EPS15L1: variants seen among roughly 807,000 people sequenced by gnomAD.
EPS15L1 encodes the protein epidermal growth factor receptor substrate 15-like 1.
EPS15L1 carries 43 observed loss-of-function variants against 117.1 expected under a neutral mutation model. The ratio of observed to expected loss-of-function variants is 0.37; its 90% CI spans 0.29 to 0.47. EPS15L1 has a LOEUF of 0.47. EPS15L1 is among the 20% of genes least tolerant of loss of function. EPS15L1 has a pLI of 0.99. For synonymous variants in EPS15L1, 459 were observed against 470.5 expected (o/e 0.98, Z 0.32); for missense variants, 981 against 1,164.0 (o/e 0.84, Z 2.29).
chr19:16,355,929 TGG>T, intron 23 of EPS15L1, 78 bp from the exon 24 acceptor site: 1 of 1,494,376 alleles, frequency 6.7e-7, no homozygotes, highest in Non-Finnish European at 9.0e-7. Flanking sequence ...AGGGAATGCG[TGG>T]GAGGGGTCAG....
intron 1 of EPS15L1, among the ~76,000 whole-genome samples, chr19:16,446,471 C>A (rs540684462): frequency 6.6e-6 from 1 of 152,314 alleles, no homozygotes; most frequent in Admixed American, 6.5e-5. Context: ...GTAAAATGTT[C>A]AGAGAAGTAC....
chr19:16,377,101 G>T (rs367827551), intron 22 of EPS15L1, 21 bp downstream of exon 22: 12 of 1,578,952 alleles, frequency 7.6e-6, no homozygotes, highest in Non-Finnish European at 1.0e-5. Flanking sequence ...CGGTGGCTGC[G>T]AGAGAAGAAA....
chr19:16,454,183 G>A (rs2093173464), intron 1 of EPS15L1, among the ~76,000 whole-genome samples: 1 of 152,246 alleles, frequency 6.6e-6, no homozygotes, highest in South Asian at 2.1e-4. Flanking sequence ...AAACAGCAGA[G>A]GACTGGTTAA....
rs141695393 is a variant in EPS15L1 at position 16,403,850 on chromosome 19, C to T, written c.1509G>A (p.Ser503=). 15 of 1,614,008 alleles carry T rather than the reference C, an allele frequency of 9.3e-6. No homozygotes were observed. In the East Asian group the frequency reaches 1.1e-4, roughly 12 times the overall value. ...SQEDDLNRAK[S]ELNRLQQEET... ...CCTCCTGCTGCAATCGGTTCAGCTC[C>T]GACTTGGCTCGGTTCAGATCGTCTT... The change falls in exon 15 of 24, where the codon TCG becomes TCA. Residue 503 remains serine (S), a synonymous_variant. Transcript: ENST00000455140.
At chr19:16,467,295 T>TC (rs1440582921) in intron 1 of EPS15L1, among the ~76,000 whole-genome samples, 3 of 151,760 alleles carry the variant, frequency 2.0e-5, no homozygotes, top group South Asian at 2.1e-4. Context: ...ATTACAGGCG[T>TC]CCGCCAGGAC....
intron 19 of EPS15L1, 83 bp from the exon 20 acceptor site, chr19:16,386,314 G>C (rs865906037): frequency 1.9e-6 from 2 of 1,057,724 alleles, no homozygotes; most frequent in Non-Finnish European, 2.9e-6. Context: ...TCCTGACGTC[G>C]ATGTACAACA....
intron 16 of EPS15L1, among the ~76,000 whole-genome samples, chr19:16,397,696 T>TA (rs890428656): frequency 2.6e-5 from 4 of 151,886 alleles, no homozygotes; most frequent in Non-Finnish European, 5.9e-5. Flanking sequence ...ATTTTTTTTT[T>TA]AAAGTGTGTA....
chr19:16,362,114 G>A (rs2092063380), intron 22 of EPS15L1, 130 bp from the exon 23 acceptor site: 6 of 930,852 alleles, frequency 6.4e-6, no homozygotes, highest in African/African-American at 1.7e-5. Flanking sequence ...TGGCTAACAG[G>A]CTGGACGGGG....
chr19:16,447,863 G>A (rs1278048356), intron 1 of EPS15L1, among the ~76,000 whole-genome samples: 1 of 152,130 alleles, frequency 6.6e-6, no homozygotes, highest in East Asian at 1.9e-4. Context: ...TATAGCTAGA[G>A]TAGTTAAGAC....
At chr19:16,413,043 C>T (rs1040605119) in intron 13 of EPS15L1, 4 of 733,692 alleles carry the variant, frequency 5.5e-6, no homozygotes, top group African/African-American at 1.7e-5. Flanking sequence ...GAAACAGACC[C>T]GCGCCGGCCA....
At chr19:16,439,652 C>T (rs1174663460) in intron 4 of EPS15L1, among the ~76,000 whole-genome samples, 2 of 152,132 alleles carry the variant, frequency 1.3e-5, no homozygotes, top group Non-Finnish European at 2.9e-5. Flanking sequence ...GATCGCACCA[C>T]TGCACTCCAG....
chr19:16,372,227 C>T lies in EPS15L1; in HGVS notation c.2380+4895G>A, dbSNP rs141367682. ...GTACGCTGTGACCGGAACTCTCCCT[C>T]GAGGAACCTCTGCAGGTTCCCAGGT... On this transcript the variant is annotated intron_variant, in intron 22 of 23. Transcript: ENST00000455140. 2.8e-4 allele frequency among the ~76,000 whole-genome samples: 42 copies of T among 152,306 alleles called. No individual in the cohort carries two copies. The East Asian group carries it at 8.1e-3, about 29-fold the overall frequency.
intron 1 of EPS15L1, among the ~76,000 whole-genome samples, chr19:16,450,861 C>G (rs933982846): frequency 1.3e-5 from 2 of 152,126 alleles, no homozygotes; most frequent in African/African-American, 4.8e-5. Context: ...CCTTCAGAAC[C>G]TGAACATAGC....
chr19:16,358,556 A>G (rs1024132580), intron 23 of EPS15L1, among the ~76,000 whole-genome samples: 3 of 151,822 alleles, frequency 2.0e-5, no homozygotes, highest in Non-Finnish European at 2.9e-5. Context: ...GCATGACACC[A>G]CCCTAGCCGA....
intron 10 of EPS15L1, among the ~76,000 whole-genome samples, chr19:16,418,646 C>A (rs2092783856): frequency 6.6e-6 from 1 of 152,212 alleles, no homozygotes; most frequent in African/African-American, 2.4e-5. Context: ...TATGTCCCCC[C>A]AGATTCCTAT....
Position 16,471,618 on chromosome 19 carries a change from G to A in EPS15L1, c.33+295C>T, listed in dbSNP as rs563388041. On this transcript the variant is annotated intron_variant, in intron 1 of 23. Coordinates refer to ENST00000455140, the MANE Select transcript of EPS15L1 (RefSeq NM_001258374.3). The surrounding 1 kb of genome is among the most constrained non-coding windows in gnomAD (Gnocchi z 4.8). ...CTCCGGGATGCAGCCCAGCGCCTCCGCGGGTCCCCGGCCTGGGAGCTTCAG... is the reference window on the plus strand; with the variant it reads ...CTCCGGGATGCAGCCCAGCGCCTCCACGGGTCCCCGGCCTGGGAGCTTCAG... 3.3e-4 allele frequency among the ~76,000 whole-genome samples: 50 copies of A among 152,244 alleles called. No homozygotes were observed. Among genetic ancestry groups the A allele is most frequent in the African/African-American group, 1.2e-3 (49 of 41,556 alleles).
chr19:16,413,361 T>C lies in EPS15L1; in HGVS notation c.1266+412A>G, dbSNP rs973262030. ...CATGATGGCTAGTATCAATGACTGC[T>C]ACACCTCAGCCAGGGGCTGCACTGC... On this transcript the variant is annotated intron_variant, in intron 13 of 23. Coordinates refer to ENST00000455140, the MANE Select transcript of EPS15L1 (RefSeq NM_001258374.3). 10 of 693,048 alleles carry C rather than the reference T, an allele frequency of 1.4e-5. No individual in the cohort carries two copies. In the African/African-American group the frequency reaches 1.8e-4, roughly 12 times the overall value. The allele number at this position is 693,048 out of a possible 1,614,324, so 42.9% of individuals were successfully genotyped here. A position where few individuals can be genotyped will look rare whatever the true frequency, so the allele number is the denominator to read the frequency against.
Position 16,441,770 on chromosome 19 carries a change from G to A in EPS15L1, c.165+122C>T, listed in dbSNP as rs549607376. The stretch of plus-strand genomic sequence containing the variant: ...AGCTGCAGCCTGAGAGGTCTGCAGC[G>A]ACCAGGCCACTACCCAGGAGGCCGG... On this transcript the variant is annotated intron_variant, in intron 3 of 23. Transcript: ENST00000455140. The A allele has an allele frequency of 1.3e-4, 88 of 697,828 alleles. No individual in the cohort carries two copies. The South Asian group carries it at 1.4e-3, about 11-fold the overall frequency. The allele number at this position is 697,828 out of a possible 1,614,324, so 43.2% of individuals were successfully genotyped here.
intron 22 of EPS15L1, among the ~76,000 whole-genome samples, chr19:16,366,921 C>G (rs1265893649): frequency 6.6e-6 from 1 of 152,136 alleles, no homozygotes; most frequent in Admixed American, 6.5e-5. Flanking sequence ...CTGCTAACTC[C>G]TTAATCGTTT....
Sources: gnomAD v4.1 joint callset for allele counts (sites outside exome capture counted in the v4.1 genomes callset) on GRCh38, gnomAD v4.1.1 for gene constraint, Gnocchi (gnomAD v3.1) non-coding constraint, MANE v1.5 for transcripts, NCBI Gene and HGNC (gene_info 2026-07-23, HGNC 2026-07-21) for gene names.